The following PPIP5K2 variants were observed in gnomAD, a reference collection of about 807,000 sequenced individuals.
PPIP5K2 encodes diphosphoinositol pentakisphosphate kinase 2.
PPIP5K2 carries 105 observed loss-of-function variants against 154.6 expected under a neutral mutation model. That is an observed-to-expected ratio of 0.68 (90% CI 0.58 to 0.80). The LOEUF (loss-of-function observed/expected upper bound fraction) is 0.80. Among genes scored for constraint, PPIP5K2 ranks in the 30% least tolerant of loss-of-function variants. PPIP5K2 has a pLI of 0.00. For synonymous variants in PPIP5K2, 480 were observed against 490.3 expected (o/e 0.98, Z 0.28); for missense variants, 992 against 1,504.6 (o/e 0.66, Z 5.64).
chr5:103,134,909 T>C (rs1488894539), intron 3 of PPIP5K2, among the ~76,000 whole-genome samples: 2 of 152,228 alleles, frequency 1.3e-5, no homozygotes, highest in Admixed American at 1.3e-4. Context: ...ATAAGGTATC[T>C]GTATTTAAAT....
chr5:103,211,472 A>C lies in PPIP5K2; in HGVS notation c.*9838A>C, dbSNP rs1361790611. On this transcript the variant is annotated 3_prime_UTR_variant, in exon 31 of 31. Coordinates refer to ENST00000358359, the MANE Select transcript of PPIP5K2 (RefSeq NM_001276277.3). ...TTGGGAGGAATTTATCTGCTCAAAA[A>C]CTCTCACCTACTTACTAGATATAGT... The C allele has an allele frequency of 1.3e-5, 2 of 151,696 alleles. No individual in the cohort carries two copies. Among genetic ancestry groups the C allele is most frequent in the Non-Finnish European group, 2.9e-5 (2 of 67,874 alleles). The allele number at this position is 151,696 out of a possible 1,614,324, so 9.4% of individuals were successfully genotyped here.
chr5:103,164,870 GC>G (rs1367316509), intron 17 of PPIP5K2, among the ~76,000 whole-genome samples: 5 of 151,974 alleles, frequency 3.3e-5, no homozygotes, highest in African/African-American at 1.2e-4. Context: ...TTTATTGATG[GC>G]TTTTATTCAA....
At chr5:103,189,417 T>C (rs1800880115) in intron 28 of PPIP5K2, among the ~76,000 whole-genome samples, 1 of 152,144 alleles carries the variant, frequency 6.6e-6, no homozygotes, top group African/African-American at 2.4e-5. Context: ...ATAATTGCTA[T>C]AAAAGATTTA....
intron 30 of PPIP5K2, among the ~76,000 whole-genome samples, chr5:103,200,852 C>T (rs1489356899): frequency 2.0e-5 from 3 of 151,834 alleles, no homozygotes; most frequent in South Asian, 2.1e-4. Context: ...TGCCAGGGCT[C>T]GTCTTGAACT....
At position 103,168,637 on chromosome 5, in the gene PPIP5K2, C is replaced by T. The variant is rs782741456; in HGVS notation, c.2286+342C>T. 6.5e-4 allele frequency among the ~76,000 whole-genome samples: 98 copies of T among 151,720 alleles called. 2 individuals carry two copies. The highest frequency in any genetic ancestry group is 6.6e-5 in the Admixed American group (1 of 15,162). ...TCCCCCGCATTATGATTGTCCCCCACAAGAATGGTGCATTTGTTATAACTG... is the reference window on the plus strand; with the variant it reads ...TCCCCCGCATTATGATTGTCCCCCATAAGAATGGTGCATTTGTTATAACTG... On this transcript the variant is annotated intron_variant, in intron 19 of 30. Coordinates refer to ENST00000358359, the MANE Select transcript of PPIP5K2 (RefSeq NM_001276277.3).
chr5:103,204,665 A>G lies in PPIP5K2; in HGVS notation c.*3031A>G, dbSNP rs26817. On this transcript the variant is annotated 3_prime_UTR_variant, in exon 31 of 31. Coordinates refer to ENST00000358359, the MANE Select transcript of PPIP5K2 (RefSeq NM_001276277.3). ...GGAGTCATTTGTGATTGGAGTCCAC[A>G]TAGAAACAGGTTTCCCTCTGTACAT... is the stretch of plus-strand genomic sequence containing the variant. The G allele has an allele frequency of 0.34, 51,265 of 151,976 alleles. 9,047 individuals are homozygous for G. Among genetic ancestry groups the G allele is most frequent in the East Asian group, 0.45 (2,316 of 5,162 alleles). 9.4% of individuals were successfully genotyped at this position (151,976 alleles called of 1,614,324 possible).
At chr5:103,175,692 G>A (rs527391314) in intron 21 of PPIP5K2, among the ~76,000 whole-genome samples, 1 of 152,180 alleles carries the variant, frequency 6.6e-6, no homozygotes, top group East Asian at 1.9e-4. Context: ...TGTGTGGACA[G>A]CAGATAGGTG....
chr5:103,189,069 T>C lies in PPIP5K2; in HGVS notation c.3352+1693T>C, dbSNP rs1334818108. ...ATGTTATTTCCATCTTTAACACATATCATGGACTTACCCCTCCCTTCATCT... is the reference window on the plus strand; with the variant it reads ...ATGTTATTTCCATCTTTAACACATACCATGGACTTACCCCTCCCTTCATCT... On this transcript the variant is annotated intron_variant, in intron 28 of 30. Coordinates refer to ENST00000358359, the MANE Select transcript of PPIP5K2 (RefSeq NM_001276277.3). The C allele has an allele frequency of 4.7e-6, 4 of 852,996 alleles. No homozygotes were observed. The South Asian group carries it at 5.0e-5, about 11-fold the overall frequency. The allele number at this position is 852,996 out of a possible 1,614,324, so 52.8% of individuals were successfully genotyped here. A position where few individuals can be genotyped will look rare whatever the true frequency, so the allele number is the denominator to read the frequency against.
intron 21 of PPIP5K2, among the ~76,000 whole-genome samples, chr5:103,176,483 A>T (rs896351263): frequency 6.6e-6 from 1 of 152,002 alleles, no homozygotes; most frequent in Non-Finnish European, 1.5e-5. Context: ...GTGCGCACAC[A>T]CACACACGGA....
At chr5:103,172,720 T>G (rs1236528857) in intron 19 of PPIP5K2, among the ~76,000 whole-genome samples, 1 of 151,868 alleles carries the variant, frequency 6.6e-6, no homozygotes, top group Non-Finnish European at 1.5e-5. Context: ...CAAAGCCTTT[T>G]GAAGAATGTG....
chr5:103,181,910 A>G (rs1162523203), intron 24 of PPIP5K2, among the ~76,000 whole-genome samples: 4 of 152,176 alleles, frequency 2.6e-5, no homozygotes, highest in African/African-American at 9.6e-5. Flanking sequence ...TGGAAATCAT[A>G]TAGTCGTTAA....
At chr5:103,179,269 C>T (rs1000938866) in intron 23 of PPIP5K2, among the ~76,000 whole-genome samples, 20 of 151,840 alleles carry the variant, frequency 1.3e-4, no homozygotes, top group Non-Finnish European at 2.8e-4. Context: ...TTTCTTTTGG[C>T]CAATATTATG....
rs1803749147 is a variant in PPIP5K2 at position 103,210,526 on chromosome 5, ACCACTACATGGTAGAGCT to A, written c.*8893_*8910del. 1 of 152,104 alleles carries A rather than the reference ACCACTACATGGTAGAGCT, an allele frequency of 6.6e-6. No homozygotes were observed. The highest frequency in any genetic ancestry group is 1.5e-5 in the Non-Finnish European group (1 of 68,012). 9.4% of individuals were successfully genotyped at this position (152,104 alleles called of 1,614,324 possible). A position where few individuals can be genotyped will look rare whatever the true frequency, so the allele number is the denominator to read the frequency against. On this transcript the variant is annotated 3_prime_UTR_variant, in exon 31 of 31. Transcript: ENST00000358359. The stretch of plus-strand genomic sequence containing the variant: ...AGACCTGGGTATTAATCTCAGCTCT[ACCACTACATGGTAGAGCT>A]ATGTAGTGGTAGACTATCTGGGAGA...
At position 103,205,763 on chromosome 5, in the gene PPIP5K2, G is replaced by C. The variant is rs1032092563; in HGVS notation, c.*4129G>C. On this transcript the variant is annotated 3_prime_UTR_variant, in exon 31 of 31. Coordinates refer to ENST00000358359, the MANE Select transcript of PPIP5K2 (RefSeq NM_001276277.3). ...CATGAATGCTAGATTTTCATTATAG[G>C]TTTTACCTTATCATTATTAAAATGT... The C allele has an allele frequency of 2.0e-5, 3 of 151,978 alleles. No homozygotes were observed. Among genetic ancestry groups the C allele is most frequent in the Non-Finnish European group, 4.4e-5 (3 of 68,006 alleles). The allele number at this position is 151,978 out of a possible 1,614,324, so 9.4% of individuals were successfully genotyped here.
intron 5 of PPIP5K2, among the ~76,000 whole-genome samples, chr5:103,142,811 G>A (rs1229431822): frequency 1.3e-5 from 2 of 151,198 alleles, no homozygotes. Context: ...TCATCTGAAT[G>A]TGTAAAACTC....
intron 17 of PPIP5K2, among the ~76,000 whole-genome samples, chr5:103,162,072 A>T (rs797037812): frequency 1.1e-4 from 17 of 152,246 alleles, no homozygotes; most frequent in African/African-American, 3.8e-4. Context: ...ATTGCTCCAC[A>T]TATTCTCCAT....
chr5:103,139,059 C>T (rs1161768078), intron 5 of PPIP5K2, among the ~76,000 whole-genome samples: 4 of 152,108 alleles, frequency 2.6e-5, no homozygotes, highest in South Asian at 4.1e-4. Context: ...AACCAGTCAC[C>T]GCGTATGACA....
intron 17 of PPIP5K2, among the ~76,000 whole-genome samples, chr5:103,164,497 G>T (rs1796834856): frequency 6.6e-6 from 1 of 151,748 alleles, no homozygotes; most frequent in Non-Finnish European, 1.5e-5. Context: ...TGCACCCTAG[G>T]CCGTATATTT....
At position 103,201,803 on chromosome 5, in the gene PPIP5K2, T is replaced by C; in HGVS notation, c.*169T>C. ...GATCTGGAAATGTTTAAAACAATGT[T>C]TGTTAGCATTCTGTGAGCAGCAAAA... On this transcript the variant is annotated 3_prime_UTR_variant, in exon 31 of 31. Coordinates refer to ENST00000358359, the MANE Select transcript of PPIP5K2 (RefSeq NM_001276277.3). 1.7e-6 allele frequency: 1 copy of C among 580,706 alleles called. No homozygotes were observed. The highest frequency in any genetic ancestry group is 3.0e-6 in the Non-Finnish European group (1 of 330,536). 36.0% of individuals were successfully genotyped at this position (580,706 alleles called of 1,614,324 possible). A position where few individuals can be genotyped will look rare whatever the true frequency, so the allele number is the denominator to read the frequency against.
Sources: gnomAD v4.1 joint callset for allele counts (sites outside exome capture counted in the v4.1 genomes callset) on GRCh38, gnomAD v4.1.1 for gene constraint, MANE v1.5 for transcripts, NCBI Gene and HGNC (gene_info 2026-07-23, HGNC 2026-07-21) for gene names.